Variants in C2CD3 observed in about 807,000 individuals in gnomAD.
C2CD3 encodes the protein C2 domain containing 3 centriole elongation regulator.
A neutral mutation model predicts 234.0 loss-of-function variants in C2CD3; 148 were observed. The observed-to-expected ratio is 0.63, with a 90% confidence interval of 0.55 to 0.72. The LOEUF is 0.72. Ranked by LOEUF, C2CD3 falls within the 30% of genes least tolerant of loss-of-function variation. C2CD3 has a pLI of 0.00. For synonymous variants in C2CD3, 1,000 were observed against 1,035.4 expected, an observed-to-expected ratio of 0.97 and a Z score of 0.66; for missense variants, 2,577 against 2,811.5, an observed-to-expected ratio of 0.92 and a Z score of 1.89.
At chr11:74,124,760 A>G (rs1430273903) in intron 7 of C2CD3, among the ~76,000 whole-genome samples, 1 of 152,108 alleles carries the variant, frequency 6.6e-6, no homozygotes, top group Non-Finnish European at 1.5e-5. Context: ...TAACTGTATT[A>G]TTTGTCACAT....
chr11:74,163,233 T>A (rs1025019633), intron 2 of C2CD3, among the ~76,000 whole-genome samples: 3 of 152,220 alleles, frequency 2.0e-5, no homozygotes, highest in Admixed American at 2.0e-4. Context: ...GCCATGGTTG[T>A]CTGTAAAGTA....
intron 7 of C2CD3, chr11:74,129,120 G>A (rs1220708119): frequency 1.8e-5 from 3 of 163,776 alleles, no homozygotes; most frequent in African/African-American, 6.4e-5. Context: ...CAGTAGGGGC[G>A]GCCGGGCAGA....
At chr11:74,169,664 G>C (rs961257586) in intron 1 of C2CD3, among the ~76,000 whole-genome samples, 9 of 152,114 alleles carry the variant, frequency 5.9e-5, no homozygotes, top group Non-Finnish European at 1.3e-4. Flanking sequence ...ATAGCAAAAA[G>C]TGTATTCTGT....
chr11:74,032,863 TAA>T (rs111857966), intron 31 of C2CD3, among the ~76,000 whole-genome samples: 13 of 142,254 alleles, frequency 9.1e-5, no homozygotes, highest in African/African-American at 7.7e-5. Flanking sequence ...ACCTGTCTCT[TAA>T]AAAAAAAAAA....
At chr11:74,136,664 T>C (rs531567219) in intron 5 of C2CD3, among the ~76,000 whole-genome samples, 2 of 152,300 alleles carry the variant, frequency 1.3e-5, no homozygotes, top group Non-Finnish European at 2.9e-5. Context: ...CAGTGCTCAA[T>C]AAGTGGCAGC....
In C2CD3 at chr11:74,078,671, T is replaced by G; in HGVS notation, c.4047A>C (p.Leu1349=). 1.2e-6 allele frequency: 2 copies of G among 1,613,192 alleles called. No individual in the cohort carries two copies. Among genetic ancestry groups the G allele is most frequent in the Non-Finnish European group, 1.7e-6 (2 of 1,179,570 alleles). The change falls in exon 23 of 33, where the codon CTA becomes CTC. Residue 1349 remains leucine, a synonymous_variant. Transcript: ENST00000334126. ...TCTGCATGAGCTCCAGGCCATGAGG[T>G]AGGCCCCCGTCTTCTGGTAAAATGA... The part of the protein sequence containing the change: ...YPIILPEDGG[L]PHGLELMQKI...
intron 23 of C2CD3, among the ~76,000 whole-genome samples, chr11:74,076,390 A>G (rs1471702096): frequency 6.6e-6 from 1 of 152,226 alleles, no homozygotes; most frequent in Non-Finnish European, 1.5e-5. Context: ...AGTGGGGGAA[A>G]TAACAACTAA....
Position 74,074,368 on chromosome 11 carries a change from G to A in C2CD3, c.4836C>T (p.Val1612=). Residue 1612 remains valine (V), a synonymous_variant, in exon 24 of 33, where the codon GTC becomes GTT. Transcript: ENST00000334126. The part of the protein sequence containing the change: ...CHQKSPASTQ[V]PCSSTTAEVR... Reference sequence around the variant, plus strand: ...CTTCAGCTGTGGTGCTGCTGCAGGGGACCTGGGTGGAGGCAGGAGACTTCT... The same window carrying A: ...CTTCAGCTGTGGTGCTGCTGCAGGGAACCTGGGTGGAGGCAGGAGACTTCT... 1.9e-6 allele frequency: 3 copies of A among 1,614,206 alleles called. No homozygotes were observed. The highest frequency in any genetic ancestry group is 1.7e-6 in the Non-Finnish European group (2 of 1,180,028).
At chr11:74,159,270 T>C (rs1040557934) in intron 3 of C2CD3, among the ~76,000 whole-genome samples, 9 of 152,334 alleles carry the variant, frequency 5.9e-5, no homozygotes, top group Admixed American at 3.9e-4. Flanking sequence ...CAATTTACTA[T>C]ATTATACTTT....
At chr11:74,132,282 A>T (rs1957702568) in intron 7 of C2CD3, among the ~76,000 whole-genome samples, 2 of 152,036 alleles carry the variant, frequency 1.3e-5, no homozygotes, top group Admixed American at 6.6e-5. Flanking sequence ...ACCCAGGAGG[A>T]GGAGGTTGCA....
intron 24 of C2CD3, among the ~76,000 whole-genome samples, chr11:74,061,443 C>T (rs1954239745): frequency 1.3e-5 from 2 of 152,204 alleles, no homozygotes; most frequent in East Asian, 1.9e-4. Context: ...TGAAACTCTA[C>T]AAGCCAGAAG....
chr11:74,095,945 T>G (rs1956089682), intron 16 of C2CD3, among the ~76,000 whole-genome samples: 1 of 152,206 alleles, frequency 6.6e-6, no homozygotes, highest in Non-Finnish European at 1.5e-5. Context: ...CTCCTCAGTC[T>G]GGCCATTCAG....
intron 3 of C2CD3, among the ~76,000 whole-genome samples, chr11:74,155,125 C>T (rs935917717): frequency 1.3e-5 from 2 of 152,174 alleles, no homozygotes; most frequent in Admixed American, 1.3e-4. Context: ...AGAGAGGAAA[C>T]AAATCTTTAA....
chr11:74,144,471 T>C (rs1210889689), intron 3 of C2CD3, among the ~76,000 whole-genome samples: 1 of 152,192 alleles, frequency 6.6e-6, no homozygotes, highest in East Asian at 1.9e-4. Context: ...TAATTTTAGG[T>C]TCGGGGTACA....
In C2CD3 at chr11:74,168,500, T is replaced by C; in HGVS notation, c.169A>G (p.Thr57Ala). 1 of 1,614,184 alleles carries C rather than the reference T, an allele frequency of 6.2e-7. No homozygotes were observed. The highest frequency in any genetic ancestry group is 1.6e-4 in the Middle Eastern group (1 of 6,062). Residue 57 changes from threonine to alanine, a missense_variant, in exon 2 of 33, where the codon ACT (threonine) becomes GCT (alanine). Thr to Ala is a moderately conservative substitution (Grantham distance 58). Coordinates refer to ENST00000334126, the MANE Select transcript of C2CD3 (RefSeq NM_001286577.2). The part of the protein sequence containing the change: ...RVIWKIAKPP[T>A]CVLVRVRWWG... ...CATCTCACTCGGACAAGTACACAAG[T>C]GGGAGGCTTTGCAATCTTCCATATG...
intron 32 of C2CD3, among the ~76,000 whole-genome samples, chr11:74,018,847 C>A (rs1246444610): frequency 6.6e-6 from 1 of 152,168 alleles, no homozygotes; most frequent in Non-Finnish European, 1.5e-5. Context: ...TCTGAGCTCA[C>A]CCTCCATGCC....
chr11:74,167,008 G>A (rs1030931840), intron 2 of C2CD3, among the ~76,000 whole-genome samples: 1 of 152,080 alleles, frequency 6.6e-6, no homozygotes, highest in Non-Finnish European at 1.5e-5. Context: ...ATGTCAACCC[G>A]TTCAACCGGG....
intron 31 of C2CD3, among the ~76,000 whole-genome samples, chr11:74,029,495 G>A (rs1952434378): frequency 6.6e-6 from 1 of 152,270 alleles, no homozygotes; most frequent in African/African-American, 2.4e-5. Context: ...TCTGTAGAGA[G>A]GTGGGGGAGG....
intron 3 of C2CD3, among the ~76,000 whole-genome samples, chr11:74,144,727 G>C (rs149820785): frequency 2.8e-4 from 43 of 152,220 alleles, no homozygotes; most frequent in African/African-American, 1.0e-3. Context: ...TCCTGCGTTA[G>C]TTTGCTAGGG....
Sources: allele counts gnomAD v4.1 joint callset (sites outside exome capture counted in the v4.1 genomes callset), GRCh38; gene constraint gnomAD v4.1.1; transcripts MANE v1.5; gene names NCBI Gene and HGNC (gene_info 2026-07-23, HGNC 2026-07-21).